AGMO: variants seen among roughly 807,000 people sequenced by gnomAD.
AGMO encodes the protein glyceryl-ether monooxygenase.
A neutral mutation model predicts 60.2 loss-of-function variants in AGMO; 75 were observed. The observed-to-expected ratio is 1.25, with a 90% CI of 1.03 to 1.51. The LOEUF (loss-of-function observed/expected upper bound fraction) is 1.51. AGMO is among the 40% of genes most tolerant of loss of function. The pLI is 0.00. For synonymous variants in AGMO, 261 were observed against 177.1 expected (o/e 1.47, Z -3.76); for missense variants, 763 against 525.5 (o/e 1.45, Z -4.42).
At chr7:15,521,537 T>C (rs1296282072) in intron 3 of AGMO, among the ~76,000 whole-genome samples, 3 of 152,152 alleles carry the variant, frequency 2.0e-5, no homozygotes, top group Non-Finnish European at 4.4e-5. Context: ...GCAAGGCTGG[T>C]TCAACATAAG....
chr7:15,301,172 C>G (rs758337266), intron 12 of AGMO, among the ~76,000 whole-genome samples: 1 of 152,140 alleles, frequency 6.6e-6, no homozygotes, highest in Non-Finnish European at 1.5e-5. Context: ...GGCGCGGTGG[C>G]TCATGCCTGT....
chr7:15,298,871 T>G (rs909490423), intron 12 of AGMO, among the ~76,000 whole-genome samples: 2 of 152,198 alleles, frequency 1.3e-5, no homozygotes, highest in Non-Finnish European at 1.5e-5. Context: ...TCTGATTTTC[T>G]TATTGTCCAC....
intron 12 of AGMO, among the ~76,000 whole-genome samples, chr7:15,241,126 C>T (rs532645434): frequency 3.3e-5 from 5 of 151,956 alleles, no homozygotes; most frequent in South Asian, 4.1e-4. Flanking sequence ...AGATAGAATG[C>T]GCTCACTCTG....
intron 12 of AGMO, among the ~76,000 whole-genome samples, chr7:15,326,112 A>C (rs1323322652): frequency 6.6e-6 from 1 of 152,172 alleles, no homozygotes; most frequent in Non-Finnish European, 1.5e-5. Flanking sequence ...TCTTAGAAAA[A>C]ATATAAAACT....
chr7:15,354,932 G>A (rs1319878876), intron 12 of AGMO, among the ~76,000 whole-genome samples: 4 of 151,766 alleles, frequency 2.6e-5, no homozygotes, highest in Non-Finnish European at 5.9e-5. Context: ...CATATAAAAG[G>A]GATACAATCT....
At chr7:15,535,741 T>C (rs1193500903) in intron 3 of AGMO, among the ~76,000 whole-genome samples, 5 of 151,930 alleles carry the variant, frequency 3.3e-5, no homozygotes, top group African/African-American at 1.2e-4. Flanking sequence ...AGTCACATCA[T>C]AAAAAATTGG....
At chr7:15,560,023 G>A in intron 2 of AGMO, 118 bp downstream of exon 2, 10 of 1,040,956 alleles carry the variant, frequency 9.6e-6, no homozygotes, top group South Asian at 2.5e-5. Flanking sequence ...GACATGAACT[G>A]AATTTTTTGG....
intron 12 of AGMO, among the ~76,000 whole-genome samples, chr7:15,253,927 TGTAAGA>T (rs1295292660): frequency 6.6e-6 from 1 of 152,092 alleles, no homozygotes; most frequent in Non-Finnish European, 1.5e-5. Flanking sequence ...TTCAACTCCA[TGTAAGA>T]GTAAGATTGT....
chr7:15,299,599 GC>G (rs1784502578), intron 12 of AGMO, among the ~76,000 whole-genome samples: 1 of 152,118 alleles, frequency 6.6e-6, no homozygotes, highest in African/African-American at 2.4e-5. Flanking sequence ...GCCAAGGCGG[GC>G]AGATTGCCTG....
chr7:15,515,803 A>T (rs1425030177), intron 3 of AGMO, among the ~76,000 whole-genome samples: 1 of 152,188 alleles, frequency 6.6e-6, no homozygotes, highest in Non-Finnish European at 1.5e-5. Flanking sequence ...TATTTCTTCA[A>T]CAGTTTTCTT....
At chr7:15,341,663 A>C (rs1781852133) in intron 12 of AGMO, among the ~76,000 whole-genome samples, 1 of 152,038 alleles carries the variant, frequency 6.6e-6, no homozygotes, top group South Asian at 2.1e-4. Context: ...GTACCAATTT[A>C]CTATATTAGT....
chr7:15,141,793 C>T, the AGMO span, among the ~76,000 whole-genome samples: 1 of 152,114 alleles, frequency 6.6e-6, no homozygotes, highest in Non-Finnish European at 1.5e-5. Context: ...CACTAAAATA[C>T]AAAATTATTT....
chr7:15,354,512 A>ACACGTG (rs1164381623), intron 12 of AGMO, among the ~76,000 whole-genome samples: 1 of 84,962 alleles, frequency 1.2e-5, no homozygotes, highest in Admixed American at 1.1e-4. Flanking sequence ...ATATATATAT[A>ACACGTG]TATATATATA....
intron 12 of AGMO, among the ~76,000 whole-genome samples, chr7:15,310,352 G>GC (rs535287703): frequency 1.3e-3 from 192 of 151,854 alleles, no homozygotes; most frequent in African/African-American, 4.4e-3. Context: ...GGAGTAAGGG[G>GC]CCCCTGCAAA....
chr7:15,345,270 C>T (rs75448203), intron 12 of AGMO, among the ~76,000 whole-genome samples: 16,303 of 152,040 alleles, frequency 0.11, 983 homozygotes, highest in Admixed American at 0.19. Flanking sequence ...GCTGTTCTTC[C>T]CATTTTATGG....
chr7:15,531,325 CTATA>C (rs1260119122), intron 3 of AGMO, among the ~76,000 whole-genome samples: 2 of 12,152 alleles, frequency 1.6e-4, no homozygotes, highest in Admixed American at 3.2e-3. Flanking sequence ...TACATATATT[CTATA>C]TATATTCTAT....
intron 12 of AGMO, among the ~76,000 whole-genome samples, chr7:15,273,133 T>C (rs575302299): frequency 6.6e-6 from 1 of 152,352 alleles, no homozygotes; most frequent in South Asian, 2.1e-4. Context: ...TTAGTTTAAT[T>C]AGATCCCATT....
chr7:15,383,649 G>A (rs909165768), intron 10 of AGMO, among the ~76,000 whole-genome samples: 1 of 151,762 alleles, frequency 6.6e-6, no homozygotes, highest in Non-Finnish European at 1.5e-5. Context: ...TCATTTTTCA[G>A]CATATATTAT....
At chr7:15,348,387 G>T (rs963285352) in intron 12 of AGMO, among the ~76,000 whole-genome samples, 9 of 151,876 alleles carry the variant, frequency 5.9e-5, no homozygotes, top group African/African-American at 2.2e-4. Flanking sequence ...AACTGTTTAG[G>T]CATCAATAGG....
Sources: allele counts gnomAD v4.1 joint callset (sites outside exome capture counted in the v4.1 genomes callset), GRCh38; gene constraint gnomAD v4.1.1; transcripts MANE v1.5; gene names NCBI Gene and HGNC (gene_info 2026-07-23, HGNC 2026-07-21).